Variants in CCDC152 observed in about 807,000 individuals in gnomAD.
CCDC152 encodes the protein coiled-coil domain-containing protein 152.
In CCDC152, 37 loss-of-function variants were observed where a neutral mutation model predicts 38.1. The ratio of observed to expected loss-of-function variants is 0.97; its 90% CI spans 0.75 to 1.28. CCDC152 has a LOEUF of 1.28. CCDC152 is among the 50% of genes most tolerant of loss of function. CCDC152 has a pLI of 0.00. For missense variants in CCDC152, 259 were observed against 292.1 expected, an observed-to-expected ratio of 0.89 and a Z score of 0.83; for synonymous variants, 83 against 87.1, an observed-to-expected ratio of 0.95 and a Z score of 0.26.
chr5:42,781,551 G>GTGCA (rs1759845186), intron 5 of CCDC152, among the ~76,000 whole-genome samples: 3 of 147,600 alleles, frequency 2.0e-5, no homozygotes, highest in South Asian at 4.6e-4. Flanking sequence ...AAATGCGCGC[G>GTGCA]CGCGCACACA....
At chr5:42,781,668 G>C (rs1479175406) in intron 5 of CCDC152, among the ~76,000 whole-genome samples, 1 of 151,988 alleles carries the variant, frequency 6.6e-6, no homozygotes, top group African/African-American at 2.4e-5. Flanking sequence ...TAGGTTAACA[G>C]TTCTGACCTA....
Position 42,759,068 on chromosome 5 carries a change from G to A in CCDC152, c.-2-52G>A, listed in dbSNP as rs115226019. ...TTTGAGCTATGAACACTATTGTGGT[G>A]CTTTAGATCTTATTTATTTATTTAA... On this transcript the variant is annotated intron_variant, in intron 1 of 8. Coordinates refer to ENST00000361970, the MANE Select transcript of CCDC152 (RefSeq NM_001134848.2). 3 of 1,264,238 alleles carry A rather than the reference G, an allele frequency of 2.4e-6. No individual in the cohort carries two copies. The African/African-American group carries it at 4.5e-5, about 19-fold the overall frequency. 78.3% of individuals were successfully genotyped at this position (1,264,238 alleles called of 1,614,324 possible).
In CCDC152 at chr5:42,779,517, G is replaced by A; in HGVS notation, c.322G>A (p.Glu108Lys). ...TATAAAAGAGAAGTTAAAGTCTCATGAACAGGTGAGTTTATGTATCATTCT... is the reference window on the plus strand; with the variant it reads ...TATAAAAGAGAAGTTAAAGTCTCATAAACAGGTGAGTTTATGTATCATTCT... ...DLIKEKLKSH[E>K]QEYKNNIAKL... The change falls in exon 5 of 9, where the codon GAA becomes AAA. Residue 108 changes from glutamate (E) to lysine (K), a missense_variant. By Grantham distance (56) the Glu-to-Lys change is moderately conservative (BLOSUM62 1). Transcript: ENST00000361970. 6.7e-7 allele frequency: 1 copy of A among 1,494,102 alleles called. No homozygotes were observed. Among genetic ancestry groups the A allele is most frequent in the Non-Finnish European group, 9.1e-7 (1 of 1,095,338 alleles). The allele number at this position is 1,494,102 out of a possible 1,614,324, so 92.6% of individuals were successfully genotyped here.
At chr5:42,768,237 A>C (rs1759651270) in intron 3 of CCDC152, among the ~76,000 whole-genome samples, 1 of 152,214 alleles carries the variant, frequency 6.6e-6, no homozygotes, top group South Asian at 2.1e-4. Context: ...TGTTATTTTC[A>C]TACCAGAGAT....
intron 5 of CCDC152, among the ~76,000 whole-genome samples, chr5:42,783,157 A>C (rs1180758343): frequency 6.6e-6 from 1 of 152,150 alleles, no homozygotes; most frequent in Non-Finnish European, 1.5e-5. Flanking sequence ...AGCGTGAGCC[A>C]CCACACCAGG....
chr5:42,800,928 C>T lies in CCDC152; in HGVS notation c.*1147C>T. 1.2e-6 allele frequency: 2 copies of T among 1,614,170 alleles called. No individual in the cohort carries two copies. The highest frequency in any genetic ancestry group is 1.7e-6 in the Non-Finnish European group (2 of 1,180,038). ...TTTACACTGTCAGGTGATTGCAGAC[C>T]CTGTTTTTTCAAATATCAGATGTCG... On this transcript the variant is annotated 3_prime_UTR_variant, in exon 9 of 9. Transcript: ENST00000361970.
At chr5:42,780,516 C>T (rs188378815) in intron 5 of CCDC152, among the ~76,000 whole-genome samples, 1 of 152,044 alleles carries the variant, frequency 6.6e-6, no homozygotes, top group African/African-American at 2.4e-5. Flanking sequence ...GGGTGGGGAA[C>T]CAGGGGGAGA....
intron 6 of CCDC152, 78 bp from the exon 7 acceptor site, chr5:42,796,751 A>T (rs1027886903): frequency 5.2e-5 from 52 of 994,676 alleles, no homozygotes; most frequent in Non-Finnish European, 7.1e-5. Flanking sequence ...GGAATGATTT[A>T]AAACACTAAA....
rs1381240635 is a variant in CCDC152 at position 42,777,361 on chromosome 5, CCG to C, written c.263-2096_263-2095del. Among the ~76,000 whole-genome samples, 21 of 151,836 alleles carry C rather than the reference CCG, an allele frequency of 1.4e-4. No homozygotes were observed. In the East Asian group the frequency reaches 3.9e-3, roughly 28 times the overall value. ...GCCTGTAATCCCAGCTACTCGGGGG[CCG>C]AGGCAGGAAAATAGCTTGAACCCAG... On this transcript the variant is annotated intron_variant, in intron 4 of 8. Coordinates refer to ENST00000361970, the MANE Select transcript of CCDC152 (RefSeq NM_001134848.2).
chr5:42,768,458 G>A (rs942119320), intron 3 of CCDC152, among the ~76,000 whole-genome samples: 3 of 152,232 alleles, frequency 2.0e-5, no homozygotes, highest in South Asian at 2.1e-4. Flanking sequence ...TACTATTGCT[G>A]TCCATCTTGG....
Position 42,800,782 on chromosome 5 carries a change from C to T in CCDC152, c.*1001C>T. ...TTTCAGCGTCAACTGGCACTGGCTT[C>T]TGTGGGTATAAGCTGCTGACTTATT... On this transcript the variant is annotated 3_prime_UTR_variant, in exon 9 of 9. Coordinates refer to ENST00000361970, the MANE Select transcript of CCDC152 (RefSeq NM_001134848.2). 6.2e-7 allele frequency: 1 copy of T among 1,613,908 alleles called. No homozygotes were observed.
intron 1 of CCDC152, among the ~76,000 whole-genome samples, chr5:42,758,124 GATA>G (rs1189793726): frequency 1.3e-5 from 2 of 152,132 alleles, no homozygotes; most frequent in Non-Finnish European, 2.9e-5. Context: ...AATAATTCGA[GATA>G]ATAATTCAAG....
At chr5:42,789,322 C>A (rs1759967566) in intron 6 of CCDC152, among the ~76,000 whole-genome samples, 1 of 152,172 alleles carries the variant, frequency 6.6e-6, no homozygotes, top group Non-Finnish European at 1.5e-5. Flanking sequence ...CCTCAGTTTT[C>A]CTTTCAGAAC....
intron 6 of CCDC152, among the ~76,000 whole-genome samples, chr5:42,793,925 T>TA (rs1207857110): frequency 2.6e-5 from 4 of 152,098 alleles, no homozygotes; most frequent in African/African-American, 7.2e-5. Flanking sequence ...GGGGAATTTT[T>TA]ATGGAGAACT....
At chr5:42,777,606 A>G (rs1164069072) in intron 4 of CCDC152, among the ~76,000 whole-genome samples, 2 of 152,230 alleles carry the variant, frequency 1.3e-5, no homozygotes, top group Non-Finnish European at 2.9e-5. Flanking sequence ...CCATCATCAG[A>G]ATTAAGATTT....
chr5:42,766,769 TGGG>T (rs1759629769), intron 3 of CCDC152, among the ~76,000 whole-genome samples: 1 of 150,362 alleles, frequency 6.7e-6, no homozygotes, highest in Non-Finnish European at 1.5e-5. Flanking sequence ...GGAAGGGTAG[TGGG>T]GGGCTGGAAG....
chr5:42,784,844 T>G (rs1290589425), intron 6 of CCDC152, among the ~76,000 whole-genome samples: 1 of 152,154 alleles, frequency 6.6e-6, no homozygotes, highest in Non-Finnish European at 1.5e-5. Flanking sequence ...CAGCACTGTT[T>G]GTTATAATAA....
At chr5:42,793,551 T>C (rs1004326751) in intron 6 of CCDC152, among the ~76,000 whole-genome samples, 3 of 152,202 alleles carry the variant, frequency 2.0e-5, no homozygotes, top group Admixed American at 6.5e-5. Flanking sequence ...CATTATCAGA[T>C]ATATAATTTA....
At chr5:42,765,882 C>A (rs1759617514) in intron 3 of CCDC152, among the ~76,000 whole-genome samples, 1 of 152,122 alleles carries the variant, frequency 6.6e-6, no homozygotes, top group Non-Finnish European at 1.5e-5. Flanking sequence ...AACCCACAAG[C>A]ACAAGCAACC....
Sources: gnomAD v4.1 joint callset for allele counts (sites outside exome capture counted in the v4.1 genomes callset) on GRCh38, gnomAD v4.1.1 for gene constraint, MANE v1.5 for transcripts, NCBI Gene and HGNC (gene_info 2026-07-23, HGNC 2026-07-21) for gene names.